Variants in STAG1 observed in about 807,000 individuals in gnomAD.
STAG1 encodes the protein STAG1 cohesin complex component.
STAG1 carries 26 observed loss-of-function variants against 170.9 expected under a neutral mutation model. The ratio of observed to expected loss-of-function variants is 0.15; its 90% confidence interval spans 0.11 to 0.21. The LOEUF (loss-of-function observed/expected upper bound fraction) is 0.21. Among genes scored for constraint, STAG1 ranks in the 10% least tolerant of loss-of-function variants. STAG1 has a pLI of 1.00. For synonymous variants in STAG1, 514 were observed against 497.7 expected, an observed-to-expected ratio of 1.03 and a Z score of -0.44; for missense variants, 964 against 1,509.5, an observed-to-expected ratio of 0.64 and a Z score of 5.99.
chr3:136,634,253 A>C (rs549475062), intron 1 of STAG1, among the ~76,000 whole-genome samples: 201 of 152,154 alleles, frequency 1.3e-3, no homozygotes, highest in Non-Finnish European at 2.4e-3. Flanking sequence ...TCTATTCGAG[A>C]GGCTGAGGTG....
intron 4 of STAG1, among the ~76,000 whole-genome samples, chr3:136,574,519 C>T (rs1288271689): frequency 2.6e-5 from 4 of 151,494 alleles, no homozygotes; most frequent in Non-Finnish European, 5.9e-5. Flanking sequence ...AAACATTAAC[C>T]GTAAGAAACA....
chr3:136,495,054 A>T (rs1202215424), intron 9 of STAG1, among the ~76,000 whole-genome samples: 1 of 152,222 alleles, frequency 6.6e-6, no homozygotes, highest in Non-Finnish European at 1.5e-5. Flanking sequence ...AACTTACACT[A>T]CCTAATTTTA....
chr3:136,563,859 AAAT>A (rs1936946806), intron 5 of STAG1, among the ~76,000 whole-genome samples: 1 of 151,994 alleles, frequency 6.6e-6, no homozygotes, highest in Admixed American at 6.6e-5. Context: ...TCTCTACTAA[AAAT>A]ACAAAAAAAC....
intron 15 of STAG1, among the ~76,000 whole-genome samples, chr3:136,441,992 G>C (rs1452960720): frequency 1.3e-5 from 2 of 152,192 alleles, no homozygotes; most frequent in African/African-American, 4.8e-5. Flanking sequence ...GAGCTCAGGA[G>C]TTCAAGACGA....
intron 16 of STAG1, among the ~76,000 whole-genome samples, chr3:136,431,935 CT>C (rs1453240268): frequency 6.6e-6 from 1 of 152,146 alleles, no homozygotes; most frequent in East Asian, 1.9e-4. Flanking sequence ...CTTCTTGAAT[CT>C]GCAAATTGTC....
intron 3 of STAG1, among the ~76,000 whole-genome samples, chr3:136,608,797 C>CA (rs34993713): frequency 0.13 from 9,852 of 78,684 alleles, 510 homozygotes; most frequent in Non-Finnish European, 0.15. Context: ...GACCCTATCT[C>CA]AAAAAAAAAA....
At position 136,428,196 on chromosome 3, in the gene STAG1, T is replaced by C. The variant is rs552619566; in HGVS notation, c.1651-5152A>G. ...TCATTTGTGCAAATGAAGCTGGGTT[T>C]ATGATCAGGACTGCCCTTATCTGTA... On this transcript the variant is annotated intron_variant, in intron 16 of 33. Transcript: ENST00000383202. Among the ~76,000 whole-genome samples the C allele has an allele frequency of 6.6e-5, 10 of 152,322 alleles. No homozygotes were observed. The East Asian group carries it at 1.9e-3, about 29-fold the overall frequency.
At chr3:136,357,459 GT>G (rs1212712686) in intron 28 of STAG1, among the ~76,000 whole-genome samples, 1 of 152,286 alleles carries the variant, frequency 6.6e-6, no homozygotes, top group East Asian at 1.9e-4. Context: ...CTAAACCAGT[GT>G]TTATACATCT....
At chr3:136,521,497 T>C (rs1006165653) in intron 6 of STAG1, 80 bp from the exon 7 acceptor site, 25 of 1,234,950 alleles carry the variant, frequency 2.0e-5, no homozygotes, top group South Asian at 4.2e-5. Flanking sequence ...CCTACCTACA[T>C]AGGAACCCTT....
intron 1 of STAG1, among the ~76,000 whole-genome samples, chr3:136,670,768 G>A (rs1014528833): frequency 4.0e-5 from 6 of 151,868 alleles, no homozygotes; most frequent in Admixed American, 6.6e-5. Flanking sequence ...CACCATGCCC[G>A]GACTTGTTTT....
chr3:136,555,874 T>C (rs1220255831), intron 5 of STAG1, among the ~76,000 whole-genome samples: 3 of 151,534 alleles, frequency 2.0e-5, no homozygotes, highest in Admixed American at 6.6e-5. Flanking sequence ...TTGCAATTCA[T>C]TTTGTGAAAT....
At position 136,623,207 on chromosome 3, in the gene STAG1, C is replaced by T. The variant is rs368868260; in HGVS notation, c.71G>A (p.Ser24Asn). The T allele has an allele frequency of 9.4e-5, 151 of 1,613,658 alleles. No homozygotes were observed. Among genetic ancestry groups the T allele is most frequent in the Non-Finnish European group, 1.2e-4 (141 of 1,179,768 alleles). Residue 24 changes from serine to asparagine, a missense_variant, in exon 3 of 34, where the codon AGC becomes AAC. Ser to Asn is a conservative substitution (Grantham distance 46). Coordinates refer to ENST00000383202, the MANE Select transcript of STAG1 (RefSeq NM_005862.3). ...TTTGACCTCTGTTTCTTCAAGCTCG[C>T]TGCCAGCATCGGAATGGGCAGTAGT... is the stretch of plus-strand genomic sequence containing the variant. The part of the protein sequence containing the change: ...NETTAHSDAG[S>N]ELEETEVKGK...
intron 5 of STAG1, among the ~76,000 whole-genome samples, chr3:136,568,432 C>T (rs969387262): frequency 2.6e-5 from 4 of 151,998 alleles, no homozygotes; most frequent in Non-Finnish European, 4.4e-5. Context: ...TAGCACACTT[C>T]CCAATATGGA....
chr3:136,493,964 A>G (rs1359757520), intron 9 of STAG1, among the ~76,000 whole-genome samples: 1 of 152,206 alleles, frequency 6.6e-6, no homozygotes, highest in Non-Finnish European at 1.5e-5. Context: ...AATCTGACTC[A>G]AAAACAACAA....
At chr3:136,569,359 A>C (rs574531281) in intron 4 of STAG1, among the ~76,000 whole-genome samples, 1 of 151,826 alleles carries the variant, frequency 6.6e-6, no homozygotes, top group African/African-American at 2.4e-5. Context: ...TAAAACAATT[A>C]TATATCAAAT....
At chr3:136,429,476 T>G (rs1403584398) in intron 16 of STAG1, among the ~76,000 whole-genome samples, 1 of 152,172 alleles carries the variant, frequency 6.6e-6, no homozygotes, top group Non-Finnish European at 1.5e-5. Flanking sequence ...GCTTCTGAAC[T>G]GGTACCAGAT....
chr3:136,656,133 T>C (rs1442768211), intron 1 of STAG1, among the ~76,000 whole-genome samples: 1 of 151,872 alleles, frequency 6.6e-6, no homozygotes, highest in Non-Finnish European at 1.5e-5. Flanking sequence ...GCTTTCATTA[T>C]GCTAAGTGAA....
chr3:136,524,806 G>T (rs189288263), intron 6 of STAG1, among the ~76,000 whole-genome samples: 4 of 152,136 alleles, frequency 2.6e-5, no homozygotes, highest in Admixed American at 6.5e-5. Flanking sequence ...TTAGCATGAA[G>T]GCTGTTGAAT....
chr3:136,452,859 G>A (rs562417940), intron 13 of STAG1, among the ~76,000 whole-genome samples: 4 of 152,032 alleles, frequency 2.6e-5, no homozygotes, highest in South Asian at 2.1e-4. Flanking sequence ...GCATGATCTC[G>A]GCTCACTGCA....
Sources: allele counts gnomAD v4.1 joint callset (sites outside exome capture counted in the v4.1 genomes callset), GRCh38; gene constraint gnomAD v4.1.1; transcripts MANE v1.5; gene names NCBI Gene and HGNC (gene_info 2026-07-23, HGNC 2026-07-21).